Variants in FER observed in about 807,000 individuals in gnomAD.
FER encodes the protein tyrosine-protein kinase Fer.
A neutral mutation model predicts 111.0 loss-of-function variants in FER; 63 were observed. The observed-to-expected ratio is 0.57, with a 90% CI of 0.46 to 0.70. The LOEUF (loss-of-function observed/expected upper bound fraction) is 0.70, where lower values mean the gene tolerates loss of function less well. Among genes scored for constraint, FER ranks in the 30% least tolerant of loss-of-function variants. The pLI is 0.00. For synonymous variants in FER, 327 were observed against 313.9 expected, an observed-to-expected ratio of 1.04 and a Z score of -0.44; for missense variants, 914 against 954.0, an observed-to-expected ratio of 0.96 and a Z score of 0.55.
intron 10 of FER, among the ~76,000 whole-genome samples, chr5:108,918,500 T>G (rs1322582752): frequency 6.6e-6 from 1 of 151,650 alleles, no homozygotes; most frequent in African/African-American, 2.4e-5. Flanking sequence ...CTTTTTTTTT[T>G]TTTTGAGATG....
chr5:108,930,698 C>CT (rs1561635449), intron 10 of FER, among the ~76,000 whole-genome samples: 1 of 146,010 alleles, frequency 6.8e-6, no homozygotes, highest in African/African-American at 2.6e-5. Flanking sequence ...ACTGCAACCT[C>CT]TGTCTCCTGA....
At chr5:108,937,891 A>G (rs558718047) in intron 10 of FER, among the ~76,000 whole-genome samples, 6 of 151,124 alleles carry the variant, frequency 4.0e-5, no homozygotes, top group South Asian at 2.1e-4. Flanking sequence ...TCTTTTAGGA[A>G]TTTTTTTTTA....
At chr5:108,979,372 C>T (rs927673080) in intron 13 of FER, among the ~76,000 whole-genome samples, 1 of 152,046 alleles carries the variant, frequency 6.6e-6, no homozygotes, top group Non-Finnish European at 1.5e-5. Flanking sequence ...ACCTACTTCA[C>T]AGTGTTGTTG....
intron 13 of FER, among the ~76,000 whole-genome samples, chr5:109,011,563 A>G (rs1258132145): frequency 1.3e-5 from 2 of 152,060 alleles, no homozygotes; most frequent in African/African-American, 4.8e-5. Flanking sequence ...AGCCTCTTTG[A>G]GTTTTCCCCT....
At chr5:108,970,638 A>G (rs1321022761) in intron 13 of FER, among the ~76,000 whole-genome samples, 2 of 152,198 alleles carry the variant, frequency 1.3e-5, no homozygotes, top group South Asian at 2.1e-4. Flanking sequence ...AAGTCGCAGT[A>G]TGTGTTACGG....
chr5:108,863,044 G>A (rs1447312253), intron 5 of FER, among the ~76,000 whole-genome samples: 5 of 152,144 alleles, frequency 3.3e-5, no homozygotes, highest in Non-Finnish European at 7.4e-5. Context: ...CCTAACTTGT[G>A]TGGGTGGGGA....
intron 16 of FER, among the ~76,000 whole-genome samples, chr5:109,097,289 T>G (rs1008582612): frequency 6.6e-6 from 1 of 151,912 alleles, no homozygotes; most frequent in Non-Finnish European, 1.5e-5. Flanking sequence ...AGTATTGTCT[T>G]AGAAATTTAT....
intron 9 of FER, among the ~76,000 whole-genome samples, chr5:108,897,045 C>T (rs1229305372): frequency 1.3e-5 from 2 of 152,092 alleles, no homozygotes; most frequent in African/African-American, 2.4e-5. Flanking sequence ...CAACCTGTGG[C>T]CCTGTACTTT....
At chr5:108,848,929 G>A (rs934955821) in intron 5 of FER, among the ~76,000 whole-genome samples, 7 of 151,830 alleles carry the variant, frequency 4.6e-5, no homozygotes, top group South Asian at 2.1e-4. Flanking sequence ...TTTTTTGGGA[G>A]TATAGAATTT....
Position 108,835,718 on chromosome 5 carries a change from C to CA in FER, c.393dup (p.Glu132ArgfsTer10). 6.4e-7 allele frequency: 1 copy of CA among 1,560,336 alleles called. No individual in the cohort carries two copies. The highest frequency in any genetic ancestry group is 2.3e-5 in the East Asian group (1 of 43,168). ...TTGTTTCTTTGACAGGTTACCAAAA[C>CA]AGAATTGGAGAAGTTAAAATGCAGC... On this transcript the variant is annotated frameshift_variant, in exon 5 of 20. Transcript: ENST00000281092. LOFTEE classifies it high-confidence loss of function.
At chr5:109,119,197 T>C (rs1750654088) in intron 17 of FER, among the ~76,000 whole-genome samples, 1 of 152,208 alleles carries the variant, frequency 6.6e-6, no homozygotes, top group African/African-American at 2.4e-5. Flanking sequence ...TCAGAGATTC[T>C]GGTATGTTGT....
intron 10 of FER, among the ~76,000 whole-genome samples, chr5:108,925,502 T>C (rs925593230): frequency 1.3e-5 from 2 of 152,088 alleles, no homozygotes; most frequent in African/African-American, 4.8e-5. Context: ...TCTGTTGTGT[T>C]GGTGAAGAAT....
chr5:108,961,390 TA>T (rs1313905874), intron 13 of FER, among the ~76,000 whole-genome samples: 1 of 152,154 alleles, frequency 6.6e-6, no homozygotes, highest in Non-Finnish European at 1.5e-5. Context: ...ATACCCCTTA[TA>T]ATATAAAATT....
chr5:108,834,838 C>T (rs906239360), intron 4 of FER, among the ~76,000 whole-genome samples: 28 of 151,988 alleles, frequency 1.8e-4, no homozygotes, highest in African/African-American at 6.3e-4. Context: ...ACAGTGTCAT[C>T]GTCTGTGTCA....
chr5:108,749,434 A>T (rs6889967), intron 1 of FER, among the ~76,000 whole-genome samples: 1 of 151,580 alleles, frequency 6.6e-6, no homozygotes, highest in African/African-American at 2.4e-5. Context: ...TGTGGGCACC[A>T]CCCAATCTTG....
chr5:108,902,066 T>A (rs1200693582), intron 10 of FER, among the ~76,000 whole-genome samples: 2 of 152,202 alleles, frequency 1.3e-5, no homozygotes, highest in African/African-American at 4.8e-5. Context: ...AACAGAGTGT[T>A]TCTAAGGCTT....
chr5:108,946,236 A>C lies in FER; in HGVS notation c.1329+14A>C. The C allele has an allele frequency of 6.3e-7, 1 of 1,576,948 alleles. No homozygotes were observed. On this transcript the variant is annotated intron_variant, in intron 11 of 19. Coordinates refer to ENST00000281092, the MANE Select transcript of FER (RefSeq NM_005246.4). ...GGCTCTTCAGCAGTAAGTAGGATTAACTCTCTGTGCTACTGAAAATGGTCA... is the reference window on the plus strand; with the variant it reads ...GGCTCTTCAGCAGTAAGTAGGATTACCTCTCTGTGCTACTGAAAATGGTCA...
intron 17 of FER, among the ~76,000 whole-genome samples, chr5:109,130,595 A>G (rs570209728): frequency 6.6e-6 from 1 of 152,176 alleles, no homozygotes; most frequent in Non-Finnish European, 1.5e-5. Flanking sequence ...TCATTTTAAC[A>G]TGCAATTAGT....
chr5:108,858,975 T>C (rs947351578), intron 5 of FER, among the ~76,000 whole-genome samples: 3 of 152,034 alleles, frequency 2.0e-5, no homozygotes, highest in Non-Finnish European at 2.9e-5. Context: ...GTGTGTGTGA[T>C]TGGAGATATG....
Sources: gnomAD v4.1 joint callset for allele counts (sites outside exome capture counted in the v4.1 genomes callset) on GRCh38, gnomAD v4.1.1 for gene constraint, MANE v1.5 for transcripts, NCBI Gene and HGNC (gene_info 2026-07-23, HGNC 2026-07-21) for gene names.